Variants in NEBL observed in about 807,000 individuals in gnomAD.
NEBL encodes LIM and SH3 protein 2.
NEBL carries 122 observed loss-of-function variants against 140.2 expected under a neutral mutation model. That is an observed-to-expected ratio of 0.87 (90% CI 0.75 to 1.01). NEBL has a LOEUF of 1.01. Ranked by LOEUF, NEBL falls within the 50% of genes least tolerant of loss-of-function variation. The probability of loss-of-function intolerance (pLI) is 0.00; values close to 1 mark genes in which losing one functional copy is unlikely to be tolerated. For missense variants in NEBL, 1,365 were observed against 1,231.3 expected (o/e 1.11, Z -1.62); for synonymous variants, 436 against 398.9 (o/e 1.09, Z -1.11).
chr10:20,799,668 C>T (rs1836907292), intron 26 of NEBL, among the ~76,000 whole-genome samples: 1 of 152,094 alleles, frequency 6.6e-6, no homozygotes, highest in Non-Finnish European at 1.5e-5. Flanking sequence ...AGAAGTCAGG[C>T]TAGCAAGGAG....
chr10:21,070,152 T>A, intron 2 of NEBL: 1 of 365,342 alleles, frequency 2.7e-6, no homozygotes, highest in Non-Finnish European at 5.5e-6. Flanking sequence ...AGTTGGAATT[T>A]GGCCAGGACA....
intron 11 of NEBL, 147 bp downstream of exon 11, chr10:20,850,248 C>A: frequency 1.5e-6 from 1 of 667,728 alleles, no homozygotes; most frequent in Non-Finnish European, 2.7e-6. Flanking sequence ...AGATCCCAGG[C>A]AGTGGGTGGC....
chr10:20,903,605 C>T (rs6482152), intron 4 of NEBL, among the ~76,000 whole-genome samples: 84,275 of 152,014 alleles, frequency 0.55, 24,623 homozygotes, highest in Non-Finnish European at 0.64. Flanking sequence ...GGCAAGGATA[C>T]GGAACCAGAC....
At chr10:21,217,687 T>C (rs1199436750) in intron 3 of NEBL, among the ~76,000 whole-genome samples, 1 of 152,224 alleles carries the variant, frequency 6.6e-6, no homozygotes, top group Non-Finnish European at 1.5e-5. Context: ...TTAACAATAT[T>C]TACTCTATAG....
chr10:21,038,371 C>G (rs1834103457), intron 2 of NEBL, among the ~76,000 whole-genome samples: 1 of 152,138 alleles, frequency 6.6e-6, no homozygotes, highest in South Asian at 2.1e-4. Context: ...TTACTGCCAG[C>G]CCCTGGCAGG....
intron 26 of NEBL, among the ~76,000 whole-genome samples, chr10:20,788,054 A>G (rs1173091715): frequency 1.3e-5 from 2 of 152,196 alleles, no homozygotes; most frequent in African/African-American, 4.8e-5. Flanking sequence ...ACCACTAATT[A>G]TGACATTCAA....
At chr10:20,925,887 G>T (rs1475581799) in intron 4 of NEBL, among the ~76,000 whole-genome samples, 1 of 152,074 alleles carries the variant, frequency 6.6e-6, no homozygotes, top group Non-Finnish European at 1.5e-5. Flanking sequence ...TTCTTCAAAA[G>T]CTCTGAGATT....
chr10:21,151,957 A>T (rs1317029145), intron 2 of NEBL, among the ~76,000 whole-genome samples: 2 of 152,356 alleles, frequency 1.3e-5, no homozygotes, highest in African/African-American at 4.8e-5. Flanking sequence ...CCACGAGGGC[A>T]GGAATTTTCC....
At chr10:20,948,317 A>G (rs11012411) in intron 4 of NEBL, among the ~76,000 whole-genome samples, 5,262 of 152,344 alleles carry the variant, frequency 0.035, 293 homozygotes, top group African/African-American at 0.12. Context: ...GCCTAGGATC[A>G]GAATCCAATA....
At chr10:20,794,047 C>T (rs555168945) in intron 26 of NEBL, among the ~76,000 whole-genome samples, 1 of 152,140 alleles carries the variant, frequency 6.6e-6, no homozygotes, top group African/African-American at 2.4e-5. Flanking sequence ...ACCTGGGCCT[C>T]GGGAAGCAGC....
Position 20,784,886 on chromosome 10 carries a change from A to G in NEBL, c.*861T>C, listed in dbSNP as rs1835282475. The stretch of plus-strand genomic sequence containing the variant: ...GATGAGCTGGCGACTAGAGGAAGAA[A>G]GGGCTTTTAGGTATCAGTCACCCTT... On this transcript the variant is annotated 3_prime_UTR_variant, in exon 28 of 28. Transcript: ENST00000377122. 6.6e-6 allele frequency: 1 copy of G among 152,516 alleles called. No individual in the cohort carries two copies. Among genetic ancestry groups the G allele is most frequent in the Non-Finnish European group, 1.5e-5 (1 of 68,032 alleles). 9.4% of individuals were successfully genotyped at this position (152,516 alleles called of 1,614,324 possible). A position where few individuals can be genotyped will look rare whatever the true frequency, so the allele number is the denominator to read the frequency against.
chr10:21,016,273 G>C (rs1003447360), intron 3 of NEBL, among the ~76,000 whole-genome samples: 1 of 152,228 alleles, frequency 6.6e-6, no homozygotes, highest in Non-Finnish European at 1.5e-5. Flanking sequence ...TAAAGCCTAT[G>C]AACCACTGGC....
chr10:20,825,534 G>C (rs1171137367), intron 18 of NEBL, among the ~76,000 whole-genome samples: 3 of 151,974 alleles, frequency 2.0e-5, no homozygotes, highest in Non-Finnish European at 4.4e-5. Flanking sequence ...AGGTGTGGTG[G>C]TGTGTGCCTG....
upstream of NEBL, among the ~76,000 whole-genome samples, chr10:21,178,103 T>C (rs1841331843): frequency 6.6e-6 from 1 of 152,238 alleles, no homozygotes; most frequent in African/African-American, 2.4e-5. Flanking sequence ...ATATGAGCTT[T>C]AACCTAATGA....
chr10:21,145,776 C>A (rs1839861890), intron 2 of NEBL, among the ~76,000 whole-genome samples: 2 of 152,206 alleles, frequency 1.3e-5, no homozygotes, highest in African/African-American at 4.8e-5. Flanking sequence ...ACAAGGCTAA[C>A]CTGCACGCAA....
intron 13 of NEBL, among the ~76,000 whole-genome samples, chr10:20,840,185 G>A (rs1841281724): frequency 6.6e-6 from 1 of 152,088 alleles, no homozygotes; most frequent in Non-Finnish European, 1.5e-5. Context: ...TTCAGCCAAA[G>A]TCTCTTAAAA....
chr10:21,112,885 C>T, intron 2 of NEBL: 1 of 338,302 alleles, frequency 3.0e-6, no homozygotes, highest in Non-Finnish European at 5.7e-6. Flanking sequence ...TATTTAGTAT[C>T]TGTGGAGGAA....
At chr10:20,944,655 C>T (rs1350050716) in intron 4 of NEBL, among the ~76,000 whole-genome samples, 2 of 152,214 alleles carry the variant, frequency 1.3e-5, no homozygotes, top group Non-Finnish European at 2.9e-5. Context: ...CTATCCCAGG[C>T]TTGTATCACA....
At chr10:20,937,267 T>TTAACAGCAACAG (rs1834541876) in intron 4 of NEBL, among the ~76,000 whole-genome samples, 1 of 152,190 alleles carries the variant, frequency 6.6e-6, no homozygotes, top group African/African-American at 2.4e-5. Context: ...GATTTCATAT[T>TTAACAGCAACAG]TTTATTTAAC....
Sources: gnomAD v4.1 joint callset for allele counts (sites outside exome capture counted in the v4.1 genomes callset) on GRCh38, gnomAD v4.1.1 for gene constraint, MANE v1.5 for transcripts, NCBI Gene and HGNC (gene_info 2026-07-23, HGNC 2026-07-21) for gene names.